Variants in RAB42 observed in about 807,000 individuals in gnomAD.
RAB42 encodes RAB42, member RAS oncogene family.
Under a neutral mutation model 7.5 loss-of-function variants are expected in RAB42, and 4 were observed. That is an observed-to-expected ratio of 0.53 (90% CI 0.26 to 1.22). The LOEUF is 1.22. Among genes scored for constraint, RAB42 ranks in the 50% most tolerant of loss-of-function variants. RAB42 has a pLI of 0.13. For missense variants in RAB42, 208 were observed against 281.2 expected, an observed-to-expected ratio of 0.74 and a Z score of 1.86; for synonymous variants, 82 against 129.0, an observed-to-expected ratio of 0.64 and a Z score of 2.47.
chr1:28,595,956 A>T (rs1372186536), downstream of RAB42, among the ~76,000 whole-genome samples: 1 of 152,010 alleles, frequency 6.6e-6, no homozygotes, highest in African/African-American at 2.4e-5. Flanking sequence ...CTCTTTTGTG[A>T]CCTTGAGCTA....
rs1410977271 is a variant in RAB42 at position 28,595,079 on chromosome 1, G to C, written c.*962G>C. The C allele has an allele frequency of 6.0e-6, 1 of 167,088 alleles. No homozygotes were observed. Among genetic ancestry groups the C allele is most frequent in the Non-Finnish European group, 1.5e-5 (1 of 68,132 alleles). 10.4% of individuals were successfully genotyped at this position (167,088 alleles called of 1,614,324 possible). On this transcript the variant is annotated 3_prime_UTR_variant, in exon 2 of 2. Coordinates refer to ENST00000465518, the MANE Select transcript of RAB42 (RefSeq NM_001193532.3). ...GTGTAGCAACTATGTTGGGCACACAGTGGCCACTGTGATGAGCCACCAAGA... is the reference window on the plus strand; with the variant it reads ...GTGTAGCAACTATGTTGGGCACACACTGGCCACTGTGATGAGCCACCAAGA...
At chr1:28,595,850 G>C (rs1288788333), downstream of RAB42, among the ~76,000 whole-genome samples, 1 of 152,074 alleles carries the variant, frequency 6.6e-6, no homozygotes, top group Non-Finnish European at 1.5e-5. Flanking sequence ...AGGTTGCAGC[G>C]AGCCACGATC....
chr1:28,593,413 A>C (rs953235219), intron 1 of RAB42, among the ~76,000 whole-genome samples: 1 of 152,054 alleles, frequency 6.6e-6, no homozygotes, highest in Non-Finnish European at 1.5e-5. Flanking sequence ...TCACCGTGTT[A>C]GTCAGGATGG....
In RAB42 at chr1:28,594,240, C is replaced by T; in HGVS notation, c.*123C>T. 1 of 1,011,602 alleles carries T rather than the reference C, an allele frequency of 9.9e-7. No homozygotes were observed. Among genetic ancestry groups the T allele is most frequent in the South Asian group, 1.9e-5 (1 of 52,866 alleles). 62.7% of individuals were successfully genotyped at this position (1,011,602 alleles called of 1,614,324 possible). Reference sequence around the variant, plus strand: ...CATATAAACAGTATCCTGACACAGTCATGCTTCCTGGATTTTGGAGTCGAG... The same window carrying T: ...CATATAAACAGTATCCTGACACAGTTATGCTTCCTGGATTTTGGAGTCGAG... On this transcript the variant is annotated 3_prime_UTR_variant, in exon 2 of 2. Transcript: ENST00000465518.
chr1:28,596,647 T>A (rs1457150047), downstream of RAB42, among the ~76,000 whole-genome samples: 2 of 152,024 alleles, frequency 1.3e-5, no homozygotes, highest in Non-Finnish European at 2.9e-5. Context: ...AAAAATAAAA[T>A]AAAAATAAAA....
At chr1:28,593,664 G>A in intron 1 of RAB42, 30 bp from the exon 2 acceptor site, 1 of 1,511,792 alleles carries the variant, frequency 6.6e-7, no homozygotes. Flanking sequence ...GCCTCTCCCA[G>A]CTTACCTTTC....
At chr1:28,593,094 A>T (rs2124267105) in intron 1 of RAB42, among the ~76,000 whole-genome samples, 1 of 152,278 alleles carries the variant, frequency 6.6e-6, no homozygotes, top group Middle Eastern at 3.4e-3. Context: ...GGAGTTTGCC[A>T]GGAAGAGAAC....
In RAB42 at chr1:28,595,242, G is replaced by C. The variant is rs1184142052; in HGVS notation, c.*1125G>C. ...GCTTGTATCCAAAGTTCATCTCCTG[G>C]GGGGCCTTAAAGGACTCCCTCTTGC... On this transcript the variant is annotated 3_prime_UTR_variant, in exon 2 of 2. Coordinates refer to ENST00000465518, the MANE Select transcript of RAB42 (RefSeq NM_001193532.3). The C allele has an allele frequency of 6.0e-6, 1 of 166,962 alleles. No individual in the cohort carries two copies. Among genetic ancestry groups the C allele is most frequent in the African/African-American group, 2.4e-5 (1 of 41,424 alleles). The allele number at this position is 166,962 out of a possible 1,614,324, so 10.3% of individuals were successfully genotyped here.
chr1:28,596,386 C>T (rs111267013), downstream of RAB42, among the ~76,000 whole-genome samples: 295 of 152,244 alleles, frequency 1.9e-3, no homozygotes, highest in Middle Eastern at 6.8e-3. Flanking sequence ...CTCTGAGTGC[C>T]GAGGTGGGCG....
At chr1:28,595,552 A>T (rs989892507), downstream of RAB42, 1 of 155,888 alleles carries the variant, frequency 6.4e-6, no homozygotes, top group Non-Finnish European at 1.5e-5. Flanking sequence ...GACACTGTTT[A>T]TGTTAGGCCG....
chr1:28,593,696 G>A lies in RAB42; in HGVS notation c.236G>A (p.Cys79Tyr). 1 of 1,538,090 alleles carries A rather than the reference G, an allele frequency of 6.5e-7. No individual in the cohort carries two copies. The highest frequency in any genetic ancestry group is 1.7e-4 in the Middle Eastern group (1 of 5,950). The change falls in exon 2 of 2, where the codon TGC (cysteine) becomes TAC (tyrosine). Residue 79 changes from cysteine to tyrosine, a missense_variant and splice_region_variant. Physicochemically the swap from Cys to Tyr is radical, Grantham distance 194. Coordinates refer to ENST00000465518, the MANE Select transcript of RAB42 (RefSeq NM_001193532.3). Reference sequence around the variant, plus strand: ...TTTCCACCTCCCTGCCTCCCCAGGTGCATCACCAGGTCCTTTTACCGGAAT... The same window carrying A: ...TTTCCACCTCCCTGCCTCCCCAGGTACATCACCAGGTCCTTTTACCGGAAT... Reference protein sequence around the residue: ...WDTAGHERFRCITRSFYRNVV... With the variant: ...WDTAGHERFRYITRSFYRNVV...
chr1:28,592,738 G>C lies in RAB42; in HGVS notation c.227G>C (p.Arg76Pro), dbSNP rs565757247. ...CTCTGGGACACCGCGGGCCACGAGC[G>C]CTTCAGGTGCGGGTAGCCGGGGCGC... ...LQLWDTAGHE[R>P]FRCITRSFYR... The change falls in exon 1 of 2, where the codon CGC (arginine) becomes CCC (proline). Residue 76 changes from arginine (R) to proline (P), a missense_variant. Coordinates refer to ENST00000465518, the MANE Select transcript of RAB42 (RefSeq NM_001193532.3). This position sits in a 1 kb window ranked among gnomAD's most constrained non-coding sequence, Gnocchi z 4.1. 1.1e-5 allele frequency: 14 copies of C among 1,226,284 alleles called. No individual in the cohort carries two copies. The East Asian group carries it at 4.4e-4, about 39-fold the overall frequency. 76.0% of individuals were successfully genotyped at this position (1,226,284 alleles called of 1,614,324 possible). A position where few individuals can be genotyped will look rare whatever the true frequency, so the allele number is the denominator to read the frequency against.
In RAB42 at chr1:28,592,632, C is replaced by A; in HGVS notation, c.121C>A (p.Pro41Thr). The A allele has an allele frequency of 8.2e-7, 1 of 1,224,374 alleles. No homozygotes were observed. Among genetic ancestry groups the A allele is most frequent in the Non-Finnish European group, 1.0e-6 (1 of 983,068 alleles). 75.8% of individuals were successfully genotyped at this position (1,224,374 alleles called of 1,614,324 possible). ...CGCGCCTGGCGCCCCGGAGCCGGAG[C>A]CCGAGCCCGAGCCCACGGTGGGCGC... Reference protein sequence around the residue: ...AGAPGAPEPEPEPEPTVGAEC... With the variant: ...AGAPGAPEPETEPEPTVGAEC... Residue 41 changes from proline to threonine, a missense_variant, in exon 1 of 2, where the codon CCC becomes ACC. Coordinates refer to ENST00000465518, the MANE Select transcript of RAB42 (RefSeq NM_001193532.3). This position sits in a 1 kb window ranked among gnomAD's most constrained non-coding sequence, Gnocchi z 4.1.
At chr1:28,595,785 T>C (rs1666424166), downstream of RAB42, among the ~76,000 whole-genome samples, 1 of 152,102 alleles carries the variant, frequency 6.6e-6, no homozygotes. Flanking sequence ...CTCATGCCTG[T>C]AATCCCAGCA....
At chr1:28,595,982 T>C (rs551751687), downstream of RAB42, among the ~76,000 whole-genome samples, 5 of 152,336 alleles carry the variant, frequency 3.3e-5, no homozygotes, top group Admixed American at 2.6e-4. Context: ...TTGGCCTCCT[T>C]GAGCCTTGGT....
chr1:28,593,364 C>T (rs973328750), intron 1 of RAB42, among the ~76,000 whole-genome samples: 30 of 152,158 alleles, frequency 2.0e-4, no homozygotes, highest in African/African-American at 4.6e-4. Flanking sequence ...CCACCACGCC[C>T]GGCTAATTTT....
At position 28,592,682 on chromosome 1, in the gene RAB42, G is replaced by A; in HGVS notation, c.171G>A (p.Gln57=). Residue 57 remains glutamine, a synonymous_variant, in exon 1 of 2, where the codon CAG becomes CAA. Transcript: ENST00000465518. This position sits in a 1 kb window ranked among gnomAD's most constrained non-coding sequence, Gnocchi z 4.1. ...CCGAGTGCTACCGCCGCGCGCTGCAGCTGCGGGCCGGGCCGCGGGTCAAGC... is the reference window on the plus strand; with the variant it reads ...CCGAGTGCTACCGCCGCGCGCTGCAACTGCGGGCCGGGCCGCGGGTCAAGC... ...VGAECYRRAL[Q]LRAGPRVKLQ... 8.1e-7 allele frequency: 1 copy of A among 1,229,468 alleles called. No individual in the cohort carries two copies. Among genetic ancestry groups the A allele is most frequent in the Non-Finnish European group, 1.0e-6 (1 of 986,512 alleles). 76.2% of individuals were successfully genotyped at this position (1,229,468 alleles called of 1,614,324 possible).
rs1038494571 is a variant in RAB42 at position 28,592,428 on chromosome 1, G to A, written c.-84G>A. On this transcript the variant is annotated 5_prime_UTR_variant, in exon 1 of 2. Coordinates refer to ENST00000465518, the MANE Select transcript of RAB42 (RefSeq NM_001193532.3). This position sits in a 1 kb window ranked among gnomAD's most constrained non-coding sequence, Gnocchi z 4.1. ...CGGTGGCTGGGCGCGGGGAGCGGGG[G>A]GCGGCGCCGGCGGGGCCCCGGGCAG... is the stretch of plus-strand genomic sequence containing the variant. The A allele has an allele frequency of 3.4e-6, 2 of 593,214 alleles. No individual in the cohort carries two copies. Among genetic ancestry groups the A allele is most frequent in the Non-Finnish European group, 4.5e-6 (2 of 445,238 alleles). 36.7% of individuals were successfully genotyped at this position (593,214 alleles called of 1,614,324 possible).
Position 28,594,332 on chromosome 1 carries a change from T to C in RAB42, c.*215T>C. 1 of 552,476 alleles carries C rather than the reference T, an allele frequency of 1.8e-6. No homozygotes were observed. Among genetic ancestry groups the C allele is most frequent in the Non-Finnish European group, 3.2e-6 (1 of 315,076 alleles). The allele number at this position is 552,476 out of a possible 1,614,324, so 34.2% of individuals were successfully genotyped here. A position where few individuals can be genotyped will look rare whatever the true frequency, so the allele number is the denominator to read the frequency against. ...GCTCACGCCTGTAATCCTAGCATTTTTGGAGGCCAAGGACAGTGGATCACC... is the reference window on the plus strand; with the variant it reads ...GCTCACGCCTGTAATCCTAGCATTTCTGGAGGCCAAGGACAGTGGATCACC... On this transcript the variant is annotated 3_prime_UTR_variant, in exon 2 of 2. Transcript: ENST00000465518.
Sources: gnomAD v4.1 joint callset for allele counts (sites outside exome capture counted in the v4.1 genomes callset) on GRCh38, gnomAD v4.1.1 for gene constraint, Gnocchi (gnomAD v3.1) non-coding constraint, MANE v1.5 for transcripts, NCBI Gene and HGNC (gene_info 2026-07-23, HGNC 2026-07-21) for gene names.